The following AFF1 variants were observed in gnomAD, a reference collection of about 807,000 sequenced individuals.
The protein encoded by AFF1 is ALF transcription elongation factor 1.
A neutral mutation model predicts 121.7 loss-of-function variants in AFF1; 48 were observed. The observed-to-expected ratio is 0.39, with a 90% confidence interval of 0.31 to 0.50. AFF1 has a LOEUF of 0.50. Ranked by LOEUF, AFF1 falls within the 20% of genes least tolerant of loss-of-function variation. The pLI is 0.76. For missense variants in AFF1, 1,523 were observed against 1,511.7 expected, an observed-to-expected ratio of 1.01 and a Z score of -0.12; for synonymous variants, 613 against 563.0, an observed-to-expected ratio of 1.09 and a Z score of -1.26.
intron 8 of AFF1, among the ~76,000 whole-genome samples, chr4:87,099,609 G>A (rs937908402): frequency 4.6e-5 from 7 of 152,040 alleles, no homozygotes; most frequent in East Asian, 3.9e-4. Flanking sequence ...GGGTTTCGCC[G>A]TTTGGCCCAG....
chr4:86,944,002 G>A (rs1299048308), intron 1 of AFF1, among the ~76,000 whole-genome samples: 1 of 151,752 alleles, frequency 6.6e-6, no homozygotes, highest in Non-Finnish European at 1.5e-5. Flanking sequence ...AAATAAGCCA[G>A]GCATGGTGGC....
intron 2 of AFF1, among the ~76,000 whole-genome samples, chr4:86,986,998 T>G (rs1724338455): frequency 6.6e-6 from 1 of 151,972 alleles, no homozygotes; most frequent in African/African-American, 2.4e-5. Flanking sequence ...CACACCACCA[T>G]GCCCAGCTAA....
chr4:87,127,874 A>G (rs544675058), intron 16 of AFF1, among the ~76,000 whole-genome samples, 171 bp downstream of exon 16: 3 of 152,308 alleles, frequency 2.0e-5, no homozygotes, highest in South Asian at 2.1e-4. Flanking sequence ...TGGCCACAAC[A>G]TATGCACGCA....
chr4:87,071,543 C>T (rs958404958), intron 4 of AFF1, among the ~76,000 whole-genome samples: 2 of 152,082 alleles, frequency 1.3e-5, no homozygotes, highest in Non-Finnish European at 2.9e-5. Flanking sequence ...TCCTTCCCCA[C>T]CCCCAAGCTG....
intron 1 of AFF1, among the ~76,000 whole-genome samples, chr4:86,937,439 C>A (rs1017043605): frequency 6.6e-6 from 1 of 152,158 alleles, no homozygotes; most frequent in Non-Finnish European, 1.5e-5. Flanking sequence ...GTTTCCTCTC[C>A]GGTTTAACTG....
chr4:87,028,262 G>T (rs1011046845), intron 2 of AFF1, among the ~76,000 whole-genome samples: 25 of 151,670 alleles, frequency 1.6e-4, no homozygotes, highest in African/African-American at 5.8e-4. Flanking sequence ...ATACTGTCCC[G>T]TAAATAGCTT....
intron 1 of AFF1, among the ~76,000 whole-genome samples, chr4:86,946,825 T>A (rs1444876062): frequency 1.3e-5 from 2 of 152,052 alleles, no homozygotes; most frequent in Non-Finnish European, 2.9e-5. Flanking sequence ...TCTCCTTTTC[T>A]CCTGTTATCA....
chr4:87,111,368 T>A (rs928230869), intron 11 of AFF1, among the ~76,000 whole-genome samples: 1 of 151,920 alleles, frequency 6.6e-6, no homozygotes. Context: ...TATTTATTTT[T>A]ATTGAGATGG....
chr4:87,031,437 A>C (rs340640), intron 2 of AFF1, among the ~76,000 whole-genome samples: 1 of 150,868 alleles, frequency 6.6e-6, no homozygotes, highest in Non-Finnish European at 1.5e-5. Context: ...CTCTTAGCAT[A>C]TGTTTTTTTT....
chr4:86,957,241 G>T (rs1382786342), intron 2 of AFF1, among the ~76,000 whole-genome samples: 1 of 152,154 alleles, frequency 6.6e-6, no homozygotes, highest in Non-Finnish European at 1.5e-5. Flanking sequence ...CTGTCTTGAT[G>T]TGGGAAAGAA....
intron 16 of AFF1, 132 bp downstream of exon 16, chr4:87,127,835 A>C: frequency 4.6e-6 from 4 of 862,496 alleles, no homozygotes; most frequent in Non-Finnish European, 7.3e-6. Context: ...CAGCAGGCGC[A>C]GGAGAAAGGA....
chr4:87,023,527 T>G (rs1728238957), intron 2 of AFF1, among the ~76,000 whole-genome samples: 1 of 152,204 alleles, frequency 6.6e-6, no homozygotes, highest in Non-Finnish European at 1.5e-5. Flanking sequence ...TCACTATATT[T>G]TCATGGTTGA....
intron 2 of AFF1, among the ~76,000 whole-genome samples, chr4:86,977,271 G>C (rs766172313): frequency 3.9e-5 from 6 of 152,200 alleles, no homozygotes; most frequent in Non-Finnish European, 7.3e-5. Context: ...AGTATCTGTA[G>C]TGTAGATATA....
chr4:87,074,893 C>T (rs1301627113), intron 4 of AFF1, among the ~76,000 whole-genome samples: 2 of 152,178 alleles, frequency 1.3e-5, no homozygotes, highest in Admixed American at 6.5e-5. Context: ...AACAACCACT[C>T]ATTGTTTTCA....
chr4:87,083,989 A>G (rs752762787), intron 4 of AFF1, 131 bp from the exon 5 acceptor site: 3 of 781,570 alleles, frequency 3.8e-6, no homozygotes, highest in Non-Finnish European at 4.3e-6. Context: ...TTCAAATGTA[A>G]AGTTCTTAAT....
chr4:86,939,900 ACTTT>A (rs1180346043), intron 1 of AFF1, among the ~76,000 whole-genome samples: 1 of 152,190 alleles, frequency 6.6e-6, no homozygotes, highest in Non-Finnish European at 1.5e-5. Flanking sequence ...CTGGAACAAC[ACTTT>A]GAGAACCACT....
chr4:86,936,380 A>G (rs1250329029), intron 1 of AFF1: 1 of 152,316 alleles, frequency 6.6e-6, no homozygotes, highest in Non-Finnish European at 1.5e-5. Context: ...AGAAGAGCTC[A>G]GAAACTGAAG....
intron 2 of AFF1, among the ~76,000 whole-genome samples, chr4:86,948,941 G>T (rs1351807034): frequency 6.6e-6 from 1 of 152,132 alleles, no homozygotes; most frequent in Non-Finnish European, 1.5e-5. Flanking sequence ...CCTGAAAGCT[G>T]TGAAGGAGGG....
At chr4:86,980,357 C>T (rs562965624) in intron 2 of AFF1, among the ~76,000 whole-genome samples, 22 of 152,114 alleles carry the variant, frequency 1.4e-4, no homozygotes, top group East Asian at 1.9e-4. Context: ...CTGGGCATGG[C>T]GGTACATGCC....
Sources: allele counts gnomAD v4.1 joint callset (sites outside exome capture counted in the v4.1 genomes callset), GRCh38; gene constraint gnomAD v4.1.1; transcripts MANE v1.5; gene names NCBI Gene and HGNC (gene_info 2026-07-23, HGNC 2026-07-21).